The following PABIR3 variants were observed in gnomAD, a reference collection of about 807,000 sequenced individuals.
The protein encoded by PABIR3 is PABIR family member 3.
Under a neutral mutation model 23.1 loss-of-function variants are expected in PABIR3, and 20 were observed. The observed-to-expected ratio is 0.86, with a 90% CI of 0.61 to 1.26. The LOEUF (loss-of-function observed/expected upper bound fraction) is 1.26. Ranked by LOEUF, PABIR3 falls within the 50% of genes most tolerant of loss-of-function variation. PABIR3 has a pLI of 0.00. For synonymous variants in PABIR3, 69 were observed against 68.5 expected (o/e 1.01, Z -0.04); for missense variants, 189 against 195.4 (o/e 0.97, Z 0.20).
chrX:134,796,468 AATGAAGGAAAAGG>A (rs2079827115), upstream of PABIR3: 3 of 329,468 alleles, frequency 9.1e-6, no homozygotes, highest in South Asian at 1.8e-4. Flanking sequence ...AAGGTGACAG[AATGAAGGAAAAGG>A]ATGAAGGAAA....
chrX:134,812,951 G>A (rs1240046370), intron 2 of PABIR3, among the ~76,000 whole-genome samples: 2 of 111,651 alleles, frequency 1.8e-5, no homozygotes, highest in East Asian at 5.6e-4. Context: ...AAAGAGTTAA[G>A]TACAGCATAA....
At chrX:134,797,601 G>A (rs1158858864) in intron 1 of PABIR3, among the ~76,000 whole-genome samples, 3 of 111,131 alleles carry the variant, frequency 2.7e-5, no homozygotes, top group African/African-American at 9.8e-5. Flanking sequence ...AAGAGAAGTG[G>A]GAAAACAAAC....
At chrX:134,833,602 A>G (rs1262307119) in intron 4 of PABIR3, among the ~76,000 whole-genome samples, 1 of 111,100 alleles carries the variant, frequency 9.0e-6, no homozygotes, top group Non-Finnish European at 1.9e-5. Context: ...GGTTTGTCAC[A>G]TAGGTATACG....
chrX:134,818,939 T>G (rs1366209951), intron 3 of PABIR3, among the ~76,000 whole-genome samples: 1 of 100,834 alleles, frequency 9.9e-6, no homozygotes, highest in African/African-American at 3.6e-5. Flanking sequence ...TCTTTCTTTT[T>G]TTTTTTTTTT....
upstream of PABIR3, chrX:134,796,576 T>G: frequency 1.2e-5 from 1 of 82,410 alleles, no homozygotes; most frequent in Non-Finnish European, 2.2e-5. Flanking sequence ...ACAGAGAGGA[T>G]AAGAGGAGGG....
intron 7 of PABIR3, 35 bp downstream of exon 7, chrX:134,847,510 G>A: frequency 1.0e-6 from 1 of 999,884 alleles, no homozygotes. Flanking sequence ...TATGTCTCTT[G>A]AAATAGTTAG....
intron 4 of PABIR3, among the ~76,000 whole-genome samples, chrX:134,841,871 C>T (rs997012185): frequency 2.4e-4 from 27 of 110,906 alleles, no homozygotes; most frequent in African/African-American, 8.8e-4. Flanking sequence ...AATAAAATCC[C>T]AGTTACTTAG....
intron 6 of PABIR3, among the ~76,000 whole-genome samples, chrX:134,846,872 C>T (rs186768563): frequency 1.4e-3 from 158 of 112,040 alleles, no homozygotes; most frequent in African/African-American, 5.1e-3. Context: ...GTAATACACA[C>T]TTGGCTTGTT....
chrX:134,815,477 T>A (rs1238273115), intron 3 of PABIR3, among the ~76,000 whole-genome samples: 1 of 111,724 alleles, frequency 9.0e-6, no homozygotes, highest in Non-Finnish European at 1.9e-5. Context: ...TGTTTTAAAA[T>A]ATACAATTCA....
chrX:134,807,562 G>C lies in PABIR3; in HGVS notation c.-37G>C, dbSNP rs2080310418. On this transcript the variant is annotated 5_prime_UTR_variant, in exon 2 of 11. Transcript: ENST00000645433. ...TAGACTTGTCCTTGTGTGGACGGGA[G>C]CCGGAAAGCCTTGAGAACTTATTCC... The C allele has an allele frequency of 1.7e-6, 2 of 1,207,245 alleles. No homozygotes were observed. The highest frequency in any genetic ancestry group is 4.4e-5 in the Admixed American group (2 of 45,544).
At chrX:134,831,549 C>T (rs2081780766) in intron 4 of PABIR3, 2 of 111,432 alleles carry the variant, frequency 1.8e-5, no homozygotes, top group African/African-American at 3.3e-5. Context: ...TTGGCTATCT[C>T]ATAGAATCGT....
At chrX:134,837,559 T>A (rs1369453983) in intron 4 of PABIR3, among the ~76,000 whole-genome samples, 3 of 111,856 alleles carry the variant, frequency 2.7e-5, no homozygotes, top group Non-Finnish European at 5.6e-5. Context: ...ATAACAATTC[T>A]CCTTAAACTA....
In PABIR3 at chrX:134,832,556, C is replaced by T. The variant is rs1233211880; in HGVS notation, c.246+3274C>T. ...AGCTAGGTTTATAGGCCCACGCCACCACGACAGGCTAATTTTTGTATTTTT... is the reference window on the plus strand; with the variant it reads ...AGCTAGGTTTATAGGCCCACGCCACTACGACAGGCTAATTTTTGTATTTTT... On this transcript the variant is annotated intron_variant, in intron 4 of 10. Transcript: ENST00000645433. Among the ~76,000 whole-genome samples the T allele has an allele frequency of 2.9e-4, 31 of 107,590 alleles. 1 individual carries two copies. In the Admixed American group the frequency reaches 3.0e-3, roughly 10 times the overall value. The allele number at this position is 107,590 out of a possible 115,157, so 93.4% of individuals were successfully genotyped here.
intron 3 of PABIR3, among the ~76,000 whole-genome samples, chrX:134,816,775 T>C (rs1006645795): frequency 6.2e-5 from 7 of 112,607 alleles, no homozygotes; most frequent in African/African-American, 2.3e-4. Flanking sequence ...GTAATTTATG[T>C]GTTATGTGTT....
chrX:134,808,007 C>T (rs973095967), intron 2 of PABIR3: 12 of 301,476 alleles, frequency 4.0e-5, no homozygotes, highest in Non-Finnish European at 6.9e-5. Context: ...TTTTTTCTAA[C>T]TTCAACCCAT....
At chrX:134,842,674 G>T (rs1183616874) in intron 4 of PABIR3, among the ~76,000 whole-genome samples, 1 of 111,019 alleles carries the variant, frequency 9.0e-6, no homozygotes, top group Non-Finnish European at 1.9e-5. Flanking sequence ...GAGGCAGGTG[G>T]ATCACCTGAG....
Position 134,848,022 on chromosome X carries a change from T to C in PABIR3, c.527+51T>C, listed in dbSNP as rs1034635218. 7.0e-6 allele frequency: 7 copies of C among 998,033 alleles called. No homozygotes were observed. In the Admixed American group the frequency reaches 1.1e-4, roughly 16 times the overall value. 82.2% of individuals were successfully genotyped at this position (998,033 alleles called of 1,213,427 possible). A position where few individuals can be genotyped will look rare whatever the true frequency, so the allele number is the denominator to read the frequency against. ...CAAATTGCTTATAAAATAAGAATTA[T>C]AGAAACCTAAAAGAAATTATAGCTC... is the stretch of plus-strand genomic sequence containing the variant. On this transcript the variant is annotated intron_variant, in intron 8 of 10. Coordinates refer to ENST00000645433, the MANE Select transcript of PABIR3 (RefSeq NM_001388447.1).
chrX:134,818,325 AAG>A (rs906106238), intron 3 of PABIR3, among the ~76,000 whole-genome samples: 5 of 111,580 alleles, frequency 4.5e-5, no homozygotes, highest in African/African-American at 1.6e-4. Context: ...ATGACCTACA[AAG>A]AGAGTATAGA....
At chrX:134,841,762 G>A in intron 4 of PABIR3, among the ~76,000 whole-genome samples, 1 of 110,733 alleles carries the variant, frequency 9.0e-6, no homozygotes, top group East Asian at 2.8e-4. Context: ...CTGGGAGGCA[G>A]AGGTTGTACT....
Sources: gnomAD v4.1 joint callset for allele counts (sites outside exome capture counted in the v4.1 genomes callset) on GRCh38, gnomAD v4.1.1 for gene constraint, MANE v1.5 for transcripts, NCBI Gene and HGNC (gene_info 2026-07-23, HGNC 2026-07-21) for gene names.